RUFY3: variants seen among roughly 807,000 people sequenced by gnomAD.
The protein encoded by RUFY3 is RUN and FYVE domain containing 3.
RUFY3 carries 34 observed loss-of-function variants against 84.0 expected under a neutral mutation model. The ratio of observed to expected loss-of-function variants is 0.40; its 90% CI spans 0.31 to 0.54. RUFY3 has a LOEUF of 0.54. RUFY3 is among the 20% of genes least tolerant of loss of function. The probability of loss-of-function intolerance (pLI) is 0.39; values close to 1 mark genes in which losing one functional copy is unlikely to be tolerated. For synonymous variants in RUFY3, 242 were observed against 252.9 expected (o/e 0.96, Z 0.41); for missense variants, 507 against 736.8 (o/e 0.69, Z 3.61).
Position 70,784,875 on chromosome 4 carries a change from G to T in RUFY3, c.1067G>T (p.Arg356Leu), listed in dbSNP as rs1400739422. 4.4e-6 allele frequency: 7 copies of T among 1,595,890 alleles called. No individual in the cohort carries two copies. Among genetic ancestry groups the T allele is most frequent in the Non-Finnish European group, 8.5e-7 (1 of 1,171,018 alleles). The change falls in exon 10 of 18, where the codon CGA becomes CTA. Residue 356 changes from arginine (R) to leucine (L), a missense_variant. Transcript: ENST00000381006. Reference protein sequence around the residue: ...RKHLKEETQLRLDVEKELEMQ... With the variant: ...RKHLKEETQLLLDVEKELEMQ... ...CATTTAAAAGAAGAGACACAATTAC[G>T]ATTGGTAAACTATGCTTAATTTCTA...
chr4:70,730,005 G>A (rs1718980938), intron 1 of RUFY3, among the ~76,000 whole-genome samples: 1 of 149,550 alleles, frequency 6.7e-6, no homozygotes, highest in African/African-American at 2.5e-5. Flanking sequence ...CGCAATCTTG[G>A]TTCACTACAA....
chr4:70,709,429 G>A (rs985116737), intron 1 of RUFY3, among the ~76,000 whole-genome samples: 1 of 152,098 alleles, frequency 6.6e-6, no homozygotes, highest in Non-Finnish European at 1.5e-5. Flanking sequence ...CCCTCTCCCC[G>A]GTTCCTTATT....
In RUFY3 at chr4:70,747,518, T is replaced by G. The variant is rs1404074235; in HGVS notation, c.179-15001T>G. On this transcript the variant is annotated intron_variant, in intron 1 of 17. Coordinates refer to ENST00000381006, the MANE Select transcript of RUFY3 (RefSeq NM_001037442.4). ...TGTGTGCAAAAAAAAAAAAACAAATTCCTGAAAGGACTGTTTTGGCTCTGT... is the reference window on the plus strand; with the variant it reads ...TGTGTGCAAAAAAAAAAAAACAAATGCCTGAAAGGACTGTTTTGGCTCTGT... Among the ~76,000 whole-genome samples the G allele has an allele frequency of 1.3e-5, 2 of 151,940 alleles. 1 individual carries two copies. Among genetic ancestry groups the G allele is most frequent in the Non-Finnish European group, 2.9e-5 (2 of 68,008 alleles).
Position 70,801,970 on chromosome 4 carries a change from G to C in RUFY3, c.1623-986G>C, listed in dbSNP as rs1460893278. On this transcript the variant is annotated intron_variant, in intron 15 of 17. Transcript: ENST00000381006. Reference sequence around the variant, plus strand: ...ATTTAGGTCCTGAGAATATGGAACAGTGCTTCCTTATATCTGAATTGTGCT... The same window carrying C: ...ATTTAGGTCCTGAGAATATGGAACACTGCTTCCTTATATCTGAATTGTGCT... 3.9e-5 allele frequency among the ~76,000 whole-genome samples: 6 copies of C among 152,194 alleles called. No individual in the cohort carries two copies. The East Asian group carries it at 1.2e-3, about 29-fold the overall frequency.
Position 70,774,666 on chromosome 4 carries a change from T to C in RUFY3, c.759-502T>C, listed in dbSNP as rs1214330403. ...AAAAATATATATATATATATATATA[T>C]ATATAAAATAAACATTCAATCTTCG... On this transcript the variant is annotated intron_variant, in intron 6 of 17. Transcript: ENST00000381006. Among the ~76,000 whole-genome samples, 8 of 108,546 alleles carry C rather than the reference T, an allele frequency of 7.4e-5. No homozygotes were observed. The South Asian group carries it at 2.3e-3, about 32-fold the overall frequency. 71.2% of individuals were successfully genotyped at this position (108,546 alleles called of 152,430 possible).
chr4:70,747,429 A>G (rs976729428), intron 1 of RUFY3, among the ~76,000 whole-genome samples: 2 of 150,762 alleles, frequency 1.3e-5, no homozygotes, highest in Non-Finnish European at 3.0e-5. Context: ...TTTGAAAGAC[A>G]CTCCAGTATC....
intron 16 of RUFY3, among the ~76,000 whole-genome samples, chr4:70,803,480 G>A (rs974942695): frequency 3.3e-5 from 5 of 150,518 alleles, no homozygotes; most frequent in Non-Finnish European, 7.4e-5. Context: ...TGGAGATAAG[G>A]TCTTACTCAC....
At chr4:70,787,214 AAAAACAAATTGACAG>A (rs1730033590) in intron 10 of RUFY3, among the ~76,000 whole-genome samples, 1 of 131,740 alleles carries the variant, frequency 7.6e-6, no homozygotes, top group African/African-American at 2.9e-5. Context: ...ATATATATAT[AAAAACAAATTGACAG>A]TATATAACAT....
intron 1 of RUFY3, among the ~76,000 whole-genome samples, chr4:70,760,707 T>C (rs1578118851): frequency 6.6e-6 from 1 of 152,226 alleles, no homozygotes. Flanking sequence ...GTGAGAATAC[T>C]ACCCTTGACA....
intron 1 of RUFY3, among the ~76,000 whole-genome samples, chr4:70,755,951 GAAA>G (rs112202020): frequency 8.0e-6 from 1 of 124,980 alleles, no homozygotes. Context: ...ATTCTGTCTC[GAAA>G]AAAAAAAAAA....
chr4:70,704,890 C>T, exon 1 of RUFY3: 2 of 1,178,100 alleles, frequency 1.7e-6, no homozygotes, highest in Middle Eastern at 3.4e-4. Context: ...GCTCCCCCGC[C>T]CAGGCCCGGG....
intron 14 of RUFY3, among the ~76,000 whole-genome samples, chr4:70,798,130 G>C (rs1329082743): frequency 6.6e-6 from 1 of 152,142 alleles, no homozygotes; most frequent in Non-Finnish European, 1.5e-5. Context: ...ACTTTGGGAG[G>C]CCGTTGGCAT....
intron 1 of RUFY3, among the ~76,000 whole-genome samples, chr4:70,716,038 C>T (rs1200459753): frequency 6.6e-6 from 1 of 151,846 alleles, no homozygotes; most frequent in Non-Finnish European, 1.5e-5. Context: ...CACTTGAACC[C>T]GGCAGGTGGA....
At position 70,778,419 on chromosome 4, in the gene RUFY3, A is replaced by G. The variant is rs1453281444; in HGVS notation, c.875A>G (p.Asn292Ser). 4 of 1,601,052 alleles carry G rather than the reference A, an allele frequency of 2.5e-6. No individual in the cohort carries two copies. Among genetic ancestry groups the G allele is most frequent in the African/African-American group, 1.3e-5 (1 of 74,702 alleles). ...AAAGTAGATGCATTAGAAAAATCCA[A>G]CACTAAACTGACAGAGGAGGTAAGT... is the stretch of plus-strand genomic sequence containing the variant. Reference protein sequence around the residue: ...QAKVDALEKSNTKLTEELAVA... With the variant: ...QAKVDALEKSSTKLTEELAVA... The change falls in exon 8 of 18, where the codon AAC (asparagine) becomes AGC (serine). Residue 292 changes from asparagine to serine, a missense_variant. Coordinates refer to ENST00000381006, the MANE Select transcript of RUFY3 (RefSeq NM_001037442.4).
chr4:70,788,149 G>A (rs1296935255), intron 10 of RUFY3, among the ~76,000 whole-genome samples: 1 of 152,004 alleles, frequency 6.6e-6, no homozygotes, highest in Non-Finnish European at 1.5e-5. Context: ...GCCAGGCATG[G>A]TGGCATGCAC....
intron 17 of RUFY3, among the ~76,000 whole-genome samples, chr4:70,805,929 G>C (rs372756380): frequency 6.6e-6 from 1 of 152,136 alleles, no homozygotes; most frequent in African/African-American, 2.4e-5. Context: ...CTTGCTCTCT[G>C]TGCTTGACCA....
intron 1 of RUFY3, among the ~76,000 whole-genome samples, chr4:70,752,068 A>G (rs1041139746): frequency 2.0e-5 from 3 of 152,198 alleles, no homozygotes; most frequent in Admixed American, 6.5e-5. Context: ...GACGTGAGAT[A>G]CCGCGCCCAG....
rs373737370 is a variant in RUFY3 at position 70,804,850 on chromosome 4, G to A, written c.1719+434G>A. On this transcript the variant is annotated intron_variant, in intron 17 of 17. Coordinates refer to ENST00000381006, the MANE Select transcript of RUFY3 (RefSeq NM_001037442.4). ...TGAGGCAGGAGAATCGCTTGAACCC[G>A]GGAGGCGGAGGTTGCAGTGAGCCAA... is the stretch of plus-strand genomic sequence containing the variant. Among the ~76,000 whole-genome samples the A allele has an allele frequency of 5.9e-5, 9 of 151,812 alleles. No individual in the cohort carries two copies. In the East Asian group the frequency reaches 7.7e-4, roughly 13 times the overall value.
chr4:70,715,257 C>T (rs1741424964), intron 1 of RUFY3, among the ~76,000 whole-genome samples: 1 of 152,252 alleles, frequency 6.6e-6, no homozygotes, highest in Admixed American at 6.5e-5. Context: ...GGGCTTTCCA[C>T]CAATGTCATC....
Sources: gnomAD v4.1 joint callset for allele counts (sites outside exome capture counted in the v4.1 genomes callset) on GRCh38, gnomAD v4.1.1 for gene constraint, MANE v1.5 for transcripts, NCBI Gene and HGNC (gene_info 2026-07-23, HGNC 2026-07-21) for gene names.